Variants in EIF3J observed in about 807,000 individuals in gnomAD.
The protein encoded by EIF3J is eukaryotic translation initiation factor 3, subunit 1 (alpha, 35kD).
In EIF3J, 15 loss-of-function variants were observed where a neutral mutation model predicts 39.0. The ratio of observed to expected loss-of-function variants is 0.38; its 90% CI spans 0.26 to 0.59. The LOEUF (loss-of-function observed/expected upper bound fraction) is 0.59, where lower values mean the gene tolerates loss of function less well. Among genes scored for constraint, EIF3J ranks in the 20% least tolerant of loss-of-function variants. The probability of loss-of-function intolerance (pLI) is 0.60; values close to 1 mark genes in which losing one functional copy is unlikely to be tolerated. For synonymous variants in EIF3J, 98 were observed against 112.9 expected (o/e 0.87, Z 0.84); for missense variants, 226 against 308.6 (o/e 0.73, Z 2.00).
At chr15:44,538,143 T>G (rs1002676557) in intron 2 of EIF3J, among the ~76,000 whole-genome samples, 5 of 152,096 alleles carry the variant, frequency 3.3e-5, no homozygotes, top group African/African-American at 1.2e-4. Flanking sequence ...GATTTGGTGG[T>G]GGTTGTAGAT....
intron 2 of EIF3J, among the ~76,000 whole-genome samples, chr15:44,548,428 C>CA (rs972774502): frequency 6.6e-6 from 1 of 151,892 alleles, no homozygotes; most frequent in East Asian, 1.9e-4. Flanking sequence ...AAAACAAGAC[C>CA]AAAAAAACCC....
At chr15:44,552,504 C>T (rs531252117) in intron 4 of EIF3J, among the ~76,000 whole-genome samples, 37 of 152,248 alleles carry the variant, frequency 2.4e-4, no homozygotes, top group African/African-American at 8.2e-4. Context: ...TTCGACCTCC[C>T]AAAGTGCTGG....
chr15:44,558,661 A>C (rs1029238086), intron 6 of EIF3J: 1 of 151,984 alleles, frequency 6.6e-6, no homozygotes, highest in African/African-American at 2.4e-5. Context: ...GCTGCTCTGG[A>C]ACTCCTGATC....
In EIF3J at chr15:44,562,304, T is replaced by A. The variant is rs561940024; in HGVS notation, c.*1155T>A. On this transcript the variant is annotated 3_prime_UTR_variant, in exon 8 of 8. Coordinates refer to ENST00000261868, the MANE Select transcript of EIF3J (RefSeq NM_003758.4). ...TTTATTTGGGGACATTATTTTGTTA[T>A]TTAGATACCAAGGCCTAATTAATTA... 6.5e-6 allele frequency: 1 copy of A among 152,732 alleles called. No individual in the cohort carries two copies. The highest frequency in any genetic ancestry group is 2.4e-5 in the African/African-American group (1 of 41,578). 9.5% of individuals were successfully genotyped at this position (152,732 alleles called of 1,614,324 possible).
At chr15:44,543,906 G>A (rs1002238376) in intron 2 of EIF3J, among the ~76,000 whole-genome samples, 3 of 151,850 alleles carry the variant, frequency 2.0e-5, no homozygotes, top group Non-Finnish European at 4.4e-5. Flanking sequence ...TGGGGTGGGG[G>A]TTATGTTTTT....
chr15:44,544,852 A>C (rs536694484), intron 2 of EIF3J, among the ~76,000 whole-genome samples: 1 of 152,048 alleles, frequency 6.6e-6, no homozygotes, highest in South Asian at 2.1e-4. Flanking sequence ...AAAAACACAA[A>C]AATTAGCTAG....
chr15:44,539,755 TAAAGC>T (rs1482844248), intron 2 of EIF3J, among the ~76,000 whole-genome samples: 5 of 147,486 alleles, frequency 3.4e-5, no homozygotes, highest in African/African-American at 1.3e-4. Context: ...TTTTTTAACT[TAAAGC>T]AATCTATCTA....
At chr15:44,548,071 T>G (rs1422617536) in intron 2 of EIF3J, among the ~76,000 whole-genome samples, 3 of 152,102 alleles carry the variant, frequency 2.0e-5, no homozygotes, top group Admixed American at 2.0e-4. Context: ...CTAAAAAATC[T>G]GAAAACCTAC....
intron 6 of EIF3J, 178 bp downstream of exon 6, chr15:44,557,828 C>T (rs749716564): frequency 1.2e-5 from 5 of 407,014 alleles, no homozygotes; most frequent in Non-Finnish European, 2.1e-5. Flanking sequence ...AGTGCTGGAT[C>T]TTTTTGTTTG....
rs1230298694 is a variant in EIF3J, at chr15:44,550,603, AAG to A, written c.148-269_148-268del. ...GATGAAATACTTAGGAATAAATCTAAAGAGAAATGCGCAGAGCCTCTAATAGG... is the reference window on the plus strand; with the variant it reads ...GATGAAATACTTAGGAATAAATCTAAAGAAATGCGCAGAGCCTCTAATAGG... On this transcript the variant is annotated intron_variant, in intron 2 of 7. Transcript: ENST00000261868. 2.5e-5 allele frequency: 6 copies of A among 244,578 alleles called. No individual in the cohort carries two copies. In the East Asian group the frequency reaches 4.4e-4, roughly 18 times the overall value. 15.2% of individuals were successfully genotyped at this position (244,578 alleles called of 1,614,324 possible).
At chr15:44,552,242 CTTG>C (rs895087268) in intron 4 of EIF3J, among the ~76,000 whole-genome samples, 1 of 151,674 alleles carries the variant, frequency 6.6e-6, no homozygotes, top group Non-Finnish European at 1.5e-5. Context: ...GAAATATATG[CTTG>C]TTTTTTTTTG....
At chr15:44,539,462 C>A (rs1473880440) in intron 2 of EIF3J, among the ~76,000 whole-genome samples, 2 of 151,998 alleles carry the variant, frequency 1.3e-5, no homozygotes, top group Non-Finnish European at 2.9e-5. Flanking sequence ...GGCTGGAGTG[C>A]AGTGGCACAA....
At chr15:44,544,831 C>G (rs567647743) in intron 2 of EIF3J, among the ~76,000 whole-genome samples, 1 of 151,854 alleles carries the variant, frequency 6.6e-6, no homozygotes, top group African/African-American at 2.4e-5. Flanking sequence ...TGGTGAAACC[C>G]GGTCTCTACT....
At position 44,560,924 on chromosome 15, in the gene EIF3J, A is replaced by G. The variant is rs2082187889; in HGVS notation, c.646-94A>G. The stretch of plus-strand genomic sequence containing the variant: ...TACAGAACTAGTGTTTCTGGGACCA[A>G]AGGTTTTTGTGTGTTTGTTTATGAG... On this transcript the variant is annotated intron_variant, in intron 7 of 7. Transcript: ENST00000261868. The G allele has an allele frequency of 5.3e-6, 8 of 1,509,364 alleles. No individual in the cohort carries two copies. The Admixed American group carries it at 1.4e-4, about 27-fold the overall frequency. 93.5% of individuals were successfully genotyped at this position (1,509,364 alleles called of 1,614,324 possible). A position where few individuals can be genotyped will look rare whatever the true frequency, so the allele number is the denominator to read the frequency against.
chr15:44,538,922 A>T (rs2081984424), intron 2 of EIF3J, among the ~76,000 whole-genome samples: 1 of 152,224 alleles, frequency 6.6e-6, no homozygotes, highest in South Asian at 2.1e-4. Context: ...TTAGGAAAGA[A>T]GTTGCAGAAA....
intron 2 of EIF3J, among the ~76,000 whole-genome samples, chr15:44,541,992 C>G (rs2082018020): frequency 6.6e-6 from 1 of 152,020 alleles, no homozygotes; most frequent in Non-Finnish European, 1.5e-5. Flanking sequence ...GTAAATAAAC[C>G]ACTTGTTTAG....
In EIF3J at chr15:44,557,482, C is replaced by T. The variant is rs752464952; in HGVS notation, c.410-7C>T. 2.0e-6 allele frequency: 3 copies of T among 1,500,450 alleles called. No individual in the cohort carries two copies. The highest frequency in any genetic ancestry group is 2.8e-5 in the South Asian group (2 of 70,736). 92.9% of individuals were successfully genotyped at this position (1,500,450 alleles called of 1,614,324 possible). On this transcript the variant is annotated splice_region_variant and splice_polypyrimidine_tract_variant and intron_variant, in intron 5 of 7. Coordinates refer to ENST00000261868, the MANE Select transcript of EIF3J (RefSeq NM_003758.4). ...TGATACTTTTCAGTGCTTCTTTTCT[C>T]CTACAGGTGTTAATAATGCAGTTTA...
chr15:44,558,314 A>G (rs963760086), intron 6 of EIF3J, among the ~76,000 whole-genome samples: 8 of 152,202 alleles, frequency 5.3e-5, no homozygotes, highest in East Asian at 1.9e-4. Context: ...GGTTAAAGCA[A>G]TTCTCCTGGT....
chr15:44,561,856 C>CTTA lies in EIF3J; in HGVS notation c.*710_*712dup, dbSNP rs1363368070. ...AACTGCTTCAGGTGGGGGAGGGAAA[C>CTTA]TTATTTTTATTTGCCTGATTTAAGT... On this transcript the variant is annotated 3_prime_UTR_variant, in exon 8 of 8. Transcript: ENST00000261868. The CTTA allele has an allele frequency of 5.9e-5, 9 of 152,514 alleles. No homozygotes were observed. Among genetic ancestry groups the CTTA allele is most frequent in the African/African-American group, 2.2e-4 (9 of 41,386 alleles). 9.4% of individuals were successfully genotyped at this position (152,514 alleles called of 1,614,324 possible). A position where few individuals can be genotyped will look rare whatever the true frequency, so the allele number is the denominator to read the frequency against.
Sources: gnomAD v4.1 joint callset for allele counts (sites outside exome capture counted in the v4.1 genomes callset) on GRCh38, gnomAD v4.1.1 for gene constraint, MANE v1.5 for transcripts, NCBI Gene and HGNC (gene_info 2026-07-23, HGNC 2026-07-21) for gene names.